Variants in CD58 observed in about 807,000 individuals in gnomAD.
CD58 encodes lymphocyte function-associated antigen 3.
Under a neutral mutation model 27.6 loss-of-function variants are expected in CD58, and 14 were observed. That is an observed-to-expected ratio of 0.51 (90% CI 0.34 to 0.79). The LOEUF (loss-of-function observed/expected upper bound fraction) is 0.79, where lower values mean the gene tolerates loss of function less well. CD58 is among the 30% of genes least tolerant of loss of function. CD58 has a pLI of 0.02. For synonymous variants in CD58, 117 were observed against 103.8 expected (o/e 1.13, Z -0.77); for missense variants, 268 against 301.7 (o/e 0.89, Z 0.83).
chr1:116,533,088 CG>C, intron 3 of CD58: 1 of 739,520 alleles, frequency 1.4e-6, no homozygotes, highest in South Asian at 1.4e-5. Flanking sequence ...GCCTCCCCAG[CG>C]AAGTACAGCA....
chr1:116,534,261 C>T lies in CD58; in HGVS notation c.628+1704G>A, dbSNP rs527682382. ...CTTTCTTCCCCATCAGACATGCCCT[C>T]GTCCACACGAAACTTACAATCAAAA... On this transcript the variant is annotated intron_variant, in intron 3 of 5. Coordinates refer to ENST00000369489, the MANE Select transcript of CD58 (RefSeq NM_001779.3). The surrounding 1 kb of genome is among the most constrained non-coding windows in gnomAD (Gnocchi z 5.3). 1.3e-5 allele frequency among the ~76,000 whole-genome samples: 2 copies of T among 152,312 alleles called. No individual in the cohort carries two copies. The highest frequency in any genetic ancestry group is 4.1e-4 in the South Asian group (2 of 4,822).
At chr1:116,558,500 A>G (rs189457804) in intron 1 of CD58, among the ~76,000 whole-genome samples, 7 of 152,218 alleles carry the variant, frequency 4.6e-5, no homozygotes, top group Admixed American at 2.0e-4. Flanking sequence ...ATATGCATTT[A>G]TAGTATTGAG....
chr1:116,522,120 C>A lies in CD58; in HGVS notation c.629-137G>T. 1.8e-6 allele frequency: 1 copy of A among 569,734 alleles called. No homozygotes were observed. Among genetic ancestry groups the A allele is most frequent in the Non-Finnish European group, 3.2e-6 (1 of 310,966 alleles). 35.3% of individuals were successfully genotyped at this position (569,734 alleles called of 1,614,324 possible). ...TCCACAAATCAATACCCAAAGCAGT[C>A]ATTCTCAGACATAAGAACAGTGATG... On this transcript the variant is annotated intron_variant, in intron 3 of 5. Coordinates refer to ENST00000369489, the MANE Select transcript of CD58 (RefSeq NM_001779.3). The surrounding 1 kb of genome is among the most constrained non-coding windows in gnomAD (Gnocchi z 4.6).
Position 116,524,775 on chromosome 1 carries a change from T to C in CD58, c.629-2792A>G, listed in dbSNP as rs1657379184. On this transcript the variant is annotated intron_variant, in intron 3 of 5. Transcript: ENST00000369489. This position sits in a 1 kb window ranked among gnomAD's most constrained non-coding sequence, Gnocchi z 4.6. ...TTACAATTTTTTTCTTTATAGTTCT[T>C]TTTATCCTTAGAATGCAGCCCCTTG... Among the ~76,000 whole-genome samples, 1 of 152,240 alleles carries C rather than the reference T, an allele frequency of 6.6e-6. No individual in the cohort carries two copies. Among genetic ancestry groups the C allele is most frequent in the Non-Finnish European group, 1.5e-5 (1 of 68,032 alleles).
At chr1:116,560,755 G>A (rs1013923109) in intron 1 of CD58, among the ~76,000 whole-genome samples, 2 of 152,156 alleles carry the variant, frequency 1.3e-5, no homozygotes, top group Admixed American at 1.3e-4. Context: ...TGATGGGCAG[G>A]CACTGAAAGT....
chr1:116,549,788 T>C (rs1337475037), intron 1 of CD58, among the ~76,000 whole-genome samples: 1 of 152,178 alleles, frequency 6.6e-6, no homozygotes, highest in Non-Finnish European at 1.5e-5. Context: ...TATAGTCAAA[T>C]AGATACAAAC....
rs1659114029 is a variant in CD58 at position 116,570,794 on chromosome 1, C to CCACCCGTCTCTGATCGG, written c.70+92_70+108dup. ...GTTCCCGGCCCACAGCGACCCGTCC[C>CCACCCGTCTCTGATCGG]CACCCGTCTCTGATCGGCAACCGCC... On this transcript the variant is annotated intron_variant, in intron 1 of 5. Coordinates refer to ENST00000369489, the MANE Select transcript of CD58 (RefSeq NM_001779.3). This position sits in a 1 kb window ranked among gnomAD's most constrained non-coding sequence, Gnocchi z 6.4. 3.8e-6 allele frequency: 3 copies of CCACCCGTCTCTGATCGG among 789,790 alleles called. No homozygotes were observed. The highest frequency in any genetic ancestry group is 5.9e-6 in the Non-Finnish European group (3 of 505,130). 48.9% of individuals were successfully genotyped at this position (789,790 alleles called of 1,614,324 possible). A position where few individuals can be genotyped will look rare whatever the true frequency, so the allele number is the denominator to read the frequency against.
intron 1 of CD58, among the ~76,000 whole-genome samples, chr1:116,561,358 T>C (rs1658744745): frequency 6.6e-6 from 1 of 152,304 alleles, no homozygotes; most frequent in South Asian, 2.1e-4. Context: ...GGGTAAAAGT[T>C]AGGTGATGTT....
chr1:116,548,730 A>G (rs1160777493), intron 1 of CD58, among the ~76,000 whole-genome samples: 2 of 151,694 alleles, frequency 1.3e-5, no homozygotes, highest in Non-Finnish European at 3.0e-5. Flanking sequence ...TCAAGGGTCA[A>G]CTATAATTTT....
rs565920079 is a variant in CD58 at position 116,538,015 on chromosome 1, C to A, written c.365-1787G>T. 1.3e-5 allele frequency among the ~76,000 whole-genome samples: 2 copies of A among 152,044 alleles called. No individual in the cohort carries two copies. Among genetic ancestry groups the A allele is most frequent in the African/African-American group, 2.4e-5 (1 of 41,374 alleles). Reference sequence around the variant, plus strand: ...TGAAAAATAAAAGCATTTAATGGTTCCCCCATCTTCTCCTCCTCCTGAATT... The same window carrying A: ...TGAAAAATAAAAGCATTTAATGGTTACCCCATCTTCTCCTCCTCCTGAATT... On this transcript the variant is annotated intron_variant, in intron 2 of 5. Coordinates refer to ENST00000369489, the MANE Select transcript of CD58 (RefSeq NM_001779.3). This position sits in a 1 kb window ranked among gnomAD's most constrained non-coding sequence, Gnocchi z 4.7.
intron 1 of CD58, among the ~76,000 whole-genome samples, chr1:116,560,502 A>C (rs1433990700): frequency 1.3e-5 from 2 of 152,244 alleles, no homozygotes; most frequent in Non-Finnish European, 2.9e-5. Flanking sequence ...GTAGTTTACA[A>C]TGGCACAGCC....
In CD58 at chr1:116,522,218, A is replaced by C. The variant is rs574667051; in HGVS notation, c.629-235T>G. 6.6e-6 allele frequency among the ~76,000 whole-genome samples: 1 copy of C among 152,290 alleles called. No individual in the cohort carries two copies. Among genetic ancestry groups the C allele is most frequent in the East Asian group, 1.9e-4 (1 of 5,188 alleles). On this transcript the variant is annotated intron_variant, in intron 3 of 5. Coordinates refer to ENST00000369489, the MANE Select transcript of CD58 (RefSeq NM_001779.3). The surrounding 1 kb of genome is among the most constrained non-coding windows in gnomAD (Gnocchi z 4.6). ...AGGTAAAGCTCTGCCTTCTTGTTTCAAGTTCTTACACTGTTAACAAGTGTC... is the reference window on the plus strand; with the variant it reads ...AGGTAAAGCTCTGCCTTCTTGTTTCCAGTTCTTACACTGTTAACAAGTGTC...
intron 1 of CD58, among the ~76,000 whole-genome samples, chr1:116,548,448 T>C (rs1299450371): frequency 1.3e-5 from 2 of 152,230 alleles, no homozygotes; most frequent in Non-Finnish European, 1.5e-5. Flanking sequence ...ATTTAAGTTT[T>C]TGATCCACCT....
chr1:116,532,495 G>T lies in CD58; in HGVS notation c.628+3470C>A, dbSNP rs1224799446. On this transcript the variant is annotated intron_variant, in intron 3 of 5. Transcript: ENST00000369489. The surrounding 1 kb of genome is among the most constrained non-coding windows in gnomAD (Gnocchi z 5.1). ...AGCAGATTAAGCAGCTGAAAACAGC[G>T]AGTGGGTTTCTTCAAATGAAAGGAA... Among the ~76,000 whole-genome samples the T allele has an allele frequency of 6.6e-6, 1 of 152,212 alleles. No homozygotes were observed. The highest frequency in any genetic ancestry group is 2.4e-5 in the African/African-American group (1 of 41,464).
At chr1:116,564,052 A>C (rs1023336325) in intron 1 of CD58, among the ~76,000 whole-genome samples, 1 of 152,226 alleles carries the variant, frequency 6.6e-6, no homozygotes, top group Non-Finnish European at 1.5e-5. Context: ...TGAACATATA[A>C]AACTGAATGC....
Position 116,515,756 on chromosome 1 carries a change from T to A in CD58, c.744-934A>T, listed in dbSNP as rs1218690382. 6.6e-6 allele frequency among the ~76,000 whole-genome samples: 1 copy of A among 152,196 alleles called. No individual in the cohort carries two copies. The highest frequency in any genetic ancestry group is 6.5e-5 in the Admixed American group (1 of 15,288). On this transcript the variant is annotated intron_variant, in intron 5 of 5. Transcript: ENST00000369489. The surrounding 1 kb of genome is among the most constrained non-coding windows in gnomAD (Gnocchi z 4.6). ...AGGACTCCCTGCTTCCTTTTTAATT[T>A]GGCTAACTTTGTGATCTGTTTTCTA...
At chr1:116,544,672 T>C in intron 1 of CD58, 68 bp from the exon 2 acceptor site, 11 of 1,098,682 alleles carry the variant, frequency 1.0e-5, no homozygotes, top group Non-Finnish European at 1.4e-5. Context: ...ATTCATCAGG[T>C]ACTTTTTGTG....
In CD58 at chr1:116,559,752, C is replaced by T. The variant is rs969197192; in HGVS notation, c.70+11151G>A. Among the ~76,000 whole-genome samples, 1 of 152,180 alleles carries T rather than the reference C, an allele frequency of 6.6e-6. No homozygotes were observed. The highest frequency in any genetic ancestry group is 2.4e-5 in the African/African-American group (1 of 41,432). On this transcript the variant is annotated intron_variant, in intron 1 of 5. Coordinates refer to ENST00000369489, the MANE Select transcript of CD58 (RefSeq NM_001779.3). The surrounding 1 kb of genome is among the most constrained non-coding windows in gnomAD (Gnocchi z 4.4). ...AGATGTTGGTTCTCTAAATCAACTT[C>T]TTTCTGTACTTTCCTTCTAATATGA...
chr1:116,525,889 G>A (rs1172515966), intron 3 of CD58, among the ~76,000 whole-genome samples: 7 of 152,182 alleles, frequency 4.6e-5, no homozygotes, highest in African/African-American at 1.2e-4. Context: ...GACCTCAGGT[G>A]ATCCGCCTGC....
Sources: allele counts gnomAD v4.1 joint callset (sites outside exome capture counted in the v4.1 genomes callset), GRCh38; gene constraint gnomAD v4.1.1; non-coding constraint Gnocchi (gnomAD v3.1); transcripts MANE v1.5; gene names NCBI Gene and HGNC (gene_info 2026-07-23, HGNC 2026-07-21).